The following AP3B2 variants were observed in gnomAD, a reference collection of about 807,000 sequenced individuals.
AP3B2 encodes the protein adaptor related protein complex 3 subunit beta 2.
AP3B2 carries 50 observed loss-of-function variants against 126.9 expected under a neutral mutation model. The observed-to-expected ratio is 0.39, with a 90% CI of 0.31 to 0.50. The LOEUF is 0.50. Among genes scored for constraint, AP3B2 ranks in the 20% least tolerant of loss-of-function variants. The probability of loss-of-function intolerance (pLI) is 0.79; values close to 1 mark genes in which losing one functional copy is unlikely to be tolerated. For missense variants in AP3B2, 1,177 were observed against 1,426.4 expected (o/e 0.83, Z 2.82); for synonymous variants, 541 against 565.0 (o/e 0.96, Z 0.60).
Position 82,659,492 on chromosome 15 carries a change from A to G in AP3B2, c.*68T>C, listed in dbSNP as rs934534922. 2.5e-6 allele frequency: 4 copies of G among 1,572,354 alleles called. No individual in the cohort carries two copies. Among genetic ancestry groups the G allele is most frequent in the African/African-American group, 2.7e-5 (2 of 74,212 alleles). On this transcript the variant is annotated 3_prime_UTR_variant, in exon 27 of 27. Coordinates refer to ENST00000535359, the MANE Select transcript of AP3B2 (RefSeq NM_001278512.2). ...GATGAGAGAGAGAGAGAAAGATGAG[A>G]GAGACTGACAGCCTAGGTGTCATGG...
chr15:82,662,552 C>T, intron 23 of AP3B2, 142 bp downstream of exon 23: 2 of 816,148 alleles, frequency 2.5e-6, no homozygotes, highest in South Asian at 3.6e-5. Context: ...TCTTGTCCAC[C>T]AGAGTGTTGA....
rs576991726 is a variant in AP3B2 at position 82,693,478 on chromosome 15, C to T, written c.114-4025G>A. ...GTCAGGCTGGTCTCAAACTCCTGAC[C>T]TCAAGTGATCTTCCCGCCTCATCCT... On this transcript the variant is annotated intron_variant, in intron 1 of 26. Transcript: ENST00000535359. Among the ~76,000 whole-genome samples, 32 of 151,722 alleles carry T rather than the reference C, an allele frequency of 2.1e-4. 2 individuals are homozygous for T. In the South Asian group the frequency reaches 6.3e-3, roughly 30 times the overall value.
intron 1 of AP3B2, among the ~76,000 whole-genome samples, chr15:82,709,255 C>T (rs1301260058): frequency 6.6e-6 from 1 of 152,170 alleles, no homozygotes; most frequent in Non-Finnish European, 1.5e-5. Flanking sequence ...GGAAGCCAAC[C>T]CGCCTAGCAC....
rs1200076401 is a variant in AP3B2 at position 82,663,569 on chromosome 15, G to T, written c.2488C>A (p.Leu830Ile). Residue 830 changes from leucine (L) to isoleucine (I), a missense_variant, in exon 21 of 27, where the codon CTA becomes ATA. Leu to Ile is a conservative substitution (Grantham distance 5). Coordinates refer to ENST00000535359, the MANE Select transcript of AP3B2 (RefSeq NM_001278512.2). Reference protein sequence around the residue: ...PATKEISLLDLEDFTPPSVQP... With the variant: ...PATKEISLLDIEDFTPPSVQP... ...TACCACCCAAACTCACAATCCTCTAGATCAAGCAGGGAGATCTCCTTGGTT... is the reference window on the plus strand; with the variant it reads ...TACCACCCAAACTCACAATCCTCTATATCAAGCAGGGAGATCTCCTTGGTT... 6.2e-7 allele frequency: 1 copy of T among 1,613,708 alleles called. No individual in the cohort carries two copies. The highest frequency in any genetic ancestry group is 1.3e-5 in the African/African-American group (1 of 74,924).
At position 82,676,581 on chromosome 15, in the gene AP3B2, G is replaced by C; in HGVS notation, c.1545C>G (p.Val515=). ...LWLIGEYCEH[V]PRIAPDVLRK... is the part of the protein sequence containing the mutation. ...TTAAGACATCAGGTGCAATCCTGGG[G>C]ACATGCTCACAGTACTCTCCGATGA... Residue 515 remains valine, a synonymous_variant, in exon 14 of 27, where the codon GTC becomes GTG. Coordinates refer to ENST00000535359, the MANE Select transcript of AP3B2 (RefSeq NM_001278512.2). The C allele has an allele frequency of 6.2e-7, 1 of 1,614,004 alleles. No individual in the cohort carries two copies. Among genetic ancestry groups the C allele is most frequent in the South Asian group, 1.1e-5 (1 of 91,076 alleles).
Position 82,659,687 on chromosome 15 carries a change from C to T in AP3B2, c.3179G>A (p.Gly1060Asp), listed in dbSNP as rs770870307. Reference protein sequence around the residue: ...EYRFAGRTLTGGSLVLLTLDA... With the variant: ...EYRFAGRTLTDGSLVLLTLDA... The stretch of plus-strand genomic sequence containing the variant: ...CAGGGTCAGCAGAACGAGGCTTCCA[C>T]CAGTCAGTGTCCTCCCTGCAAACCT... The change falls in exon 27 of 27, where the codon GGT becomes GAT. Residue 1060 changes from glycine to aspartate, a missense_variant. Gly to Asp is a moderately conservative substitution (Grantham distance 94). Transcript: ENST00000535359. The T allele has an allele frequency of 1.5e-5, 25 of 1,613,782 alleles. No homozygotes were observed. In the East Asian group the frequency reaches 4.2e-4, roughly 27 times the overall value.
At chr15:82,695,197 T>C (rs951653550) in intron 1 of AP3B2, among the ~76,000 whole-genome samples, 2 of 151,506 alleles carry the variant, frequency 1.3e-5, no homozygotes, top group Non-Finnish European at 2.9e-5. Flanking sequence ...CCTTCTGGGT[T>C]GAAGCAATTC....
intron 2 of AP3B2, 33 bp downstream of exon 2, chr15:82,689,345 G>A (rs748956131): frequency 3.2e-5 from 52 of 1,612,518 alleles, no homozygotes; most frequent in Middle Eastern, 3.3e-4. Flanking sequence ...CCCAGGCCCC[G>A]CCCGGAGGGA....
At chr15:82,689,010 G>A in intron 3 of AP3B2, 148 bp downstream of exon 3, 1 of 1,045,460 alleles carries the variant, frequency 9.6e-7, no homozygotes, top group South Asian at 1.4e-5. Flanking sequence ...CCAGTTCAGG[G>A]ACATGGAGAC....
intron 4 of AP3B2, chr15:82,685,761 T>A (rs2048416000): frequency 6.6e-6 from 1 of 152,222 alleles, no homozygotes; most frequent in African/African-American, 2.4e-5. Flanking sequence ...TTTGTGGAAG[T>A]CTCATAGCAT....
In AP3B2 at chr15:82,709,859, C is replaced by T. The variant is rs2048857396; in HGVS notation, c.-153G>A. On this transcript the variant is annotated 5_prime_UTR_variant, in exon 1 of 27. Transcript: ENST00000535359. ...AGGCTGCAGTGTGCAGCGGCGGAGG[C>T]TGCGCGCGGATTTCTCAATCAGGGC... 1 of 525,166 alleles carries T rather than the reference C, an allele frequency of 1.9e-6. No homozygotes were observed. The highest frequency in any genetic ancestry group is 3.1e-6 in the Non-Finnish European group (1 of 324,368). 32.5% of individuals were successfully genotyped at this position (525,166 alleles called of 1,614,324 possible). A position where few individuals can be genotyped will look rare whatever the true frequency, so the allele number is the denominator to read the frequency against.
intron 1 of AP3B2, among the ~76,000 whole-genome samples, chr15:82,696,861 A>G (rs192442433): frequency 5.2e-4 from 79 of 152,312 alleles, no homozygotes; most frequent in African/African-American, 1.9e-3. Flanking sequence ...GTGTCTATAT[A>G]TAGCTGATAG....
rs2048007198 is a variant in AP3B2, at chr15:82,664,034, A to G, written c.2262-59T>C. On this transcript the variant is annotated intron_variant, in intron 19 of 26. Coordinates refer to ENST00000535359, the MANE Select transcript of AP3B2 (RefSeq NM_001278512.2). This position sits in a 1 kb window ranked among gnomAD's most constrained non-coding sequence, Gnocchi z 4.5. ...CCTGGACACTCCCTCCTTGCTTCACAGAAGCAGGAGAAATGCTGAAAAGCT... is the reference window on the plus strand; with the variant it reads ...CCTGGACACTCCCTCCTTGCTTCACGGAAGCAGGAGAAATGCTGAAAAGCT... The G allele has an allele frequency of 2.6e-6, 4 of 1,541,934 alleles. No individual in the cohort carries two copies. The highest frequency in any genetic ancestry group is 1.2e-5 in the South Asian group (1 of 83,278).
intron 1 of AP3B2, among the ~76,000 whole-genome samples, chr15:82,697,358 C>A (rs878942821): frequency 6.6e-6 from 1 of 151,708 alleles, no homozygotes; most frequent in African/African-American, 2.4e-5. Context: ...AAAAAAAAAT[C>A]AATGTGTGCA....
Position 82,664,749 on chromosome 15 carries a change from C to A in AP3B2, c.2137+86G>T. On this transcript the variant is annotated intron_variant, in intron 18 of 26. Coordinates refer to ENST00000535359, the MANE Select transcript of AP3B2 (RefSeq NM_001278512.2). The surrounding 1 kb of genome is among the most constrained non-coding windows in gnomAD (Gnocchi z 4.5). ...AAGCAGGTGCACACCCCTAGACACACAACCATATACATATACCCCTCATAT... is the reference window on the plus strand; with the variant it reads ...AAGCAGGTGCACACCCCTAGACACAAAACCATATACATATACCCCTCATAT... 1 of 1,125,140 alleles carries A rather than the reference C, an allele frequency of 8.9e-7. No individual in the cohort carries two copies. The highest frequency in any genetic ancestry group is 1.3e-6 in the Non-Finnish European group (1 of 779,620). The allele number at this position is 1,125,140 out of a possible 1,614,324, so 69.7% of individuals were successfully genotyped here.
At chr15:82,703,551 C>T (rs1184711740) in intron 1 of AP3B2, among the ~76,000 whole-genome samples, 1 of 152,094 alleles carries the variant, frequency 6.6e-6, no homozygotes, top group Non-Finnish European at 1.5e-5. Context: ...AACCTAAATG[C>T]CTTATTTTCT....
intron 1 of AP3B2, chr15:82,699,351 T>G (rs2048681770): frequency 1.1e-5 from 3 of 268,528 alleles, no homozygotes; most frequent in African/African-American, 6.6e-5. Flanking sequence ...TGGGGGCCTG[T>G]GGGGAGAAAG....
Position 82,659,497 on chromosome 15 carries a change from C to G in AP3B2, c.*63G>C. The G allele has an allele frequency of 6.3e-7, 1 of 1,580,400 alleles. No homozygotes were observed. On this transcript the variant is annotated 3_prime_UTR_variant, in exon 27 of 27. Coordinates refer to ENST00000535359, the MANE Select transcript of AP3B2 (RefSeq NM_001278512.2). ...GAGAGAGAGAGAAAGATGAGAGAGA[C>G]TGACAGCCTAGGTGTCATGGGGAGG...
chr15:82,680,155 G>T lies in AP3B2; in HGVS notation c.1110+20C>A, dbSNP rs2048310422. On this transcript the variant is annotated intron_variant, in intron 9 of 26. Coordinates refer to ENST00000535359, the MANE Select transcript of AP3B2 (RefSeq NM_001278512.2). This position sits in a 1 kb window ranked among gnomAD's most constrained non-coding sequence, Gnocchi z 6.1. Reference sequence around the variant, plus strand: ...AAGCGGCCCTCGGACAGCGAGGACAGCCCGCCGTCGCAGGCTCACCCGGCG... The same window carrying T: ...AAGCGGCCCTCGGACAGCGAGGACATCCCGCCGTCGCAGGCTCACCCGGCG... 2 of 1,612,790 alleles carry T rather than the reference G, an allele frequency of 1.2e-6. No homozygotes were observed. The highest frequency in any genetic ancestry group is 1.6e-4 in the Middle Eastern group (1 of 6,062).
Sources: gnomAD v4.1 joint callset for allele counts (sites outside exome capture counted in the v4.1 genomes callset) on GRCh38, gnomAD v4.1.1 for gene constraint, Gnocchi (gnomAD v3.1) non-coding constraint, MANE v1.5 for transcripts, NCBI Gene and HGNC (gene_info 2026-07-23, HGNC 2026-07-21) for gene names.